Variants in ENTREP2 observed in about 807,000 individuals in gnomAD.
ENTREP2 encodes endosomal transmembrane epsin interactor 2.
chr15:29,661,034 T>C, the ENTREP2 span, among the ~76,000 whole-genome samples: 1 of 150,728 alleles, frequency 6.6e-6, no homozygotes, highest in African/African-American at 2.5e-5. Flanking sequence ...TTTACATGAA[T>C]TAAGAGTGTG....
the ENTREP2 span, among the ~76,000 whole-genome samples, chr15:29,563,905 CTT>C: frequency 6.6e-6 from 1 of 151,658 alleles, no homozygotes; most frequent in South Asian, 2.1e-4. Flanking sequence ...TCTTAGGAAA[CTT>C]TATTTTCTTT....
At chr15:29,145,622 CAAAA>C in the ENTREP2 span, among the ~76,000 whole-genome samples, 4 of 58,254 alleles carry the variant, frequency 6.9e-5, no homozygotes, top group Admixed American at 9.6e-4. Context: ...GACTCCATCT[CAAAA>C]AAAAAAAAAA....
the ENTREP2 span, among the ~76,000 whole-genome samples, chr15:29,293,765 T>C: frequency 6.6e-6 from 1 of 152,200 alleles, no homozygotes. Context: ...GCAACTCTCT[T>C]AATGGAGAGA....
the ENTREP2 span, chr15:29,269,231 C>G: frequency 6.2e-7 from 1 of 1,614,096 alleles, no homozygotes; most frequent in South Asian, 1.1e-5. Context: ...TCCACAGGCT[C>G]CAGGGTGTTG....
the ENTREP2 span, among the ~76,000 whole-genome samples, chr15:29,477,418 A>G: frequency 1.2e-4 from 5 of 40,710 alleles, no homozygotes; most frequent in Admixed American, 6.2e-4. Context: ...CAAAAAGTGC[A>G]AAAAAAAATA....
chr15:29,215,579 T>A, the ENTREP2 span, among the ~76,000 whole-genome samples: 2 of 128,434 alleles, frequency 1.6e-5, no homozygotes, highest in Non-Finnish European at 3.0e-5. Flanking sequence ...ATATATATAA[T>A]ATATATATAT....
At chr15:29,256,012 A>AAAAAGG in the ENTREP2 span, among the ~76,000 whole-genome samples, 48 of 152,080 alleles carry the variant, frequency 3.2e-4, no homozygotes, top group Non-Finnish European at 8.8e-5. Context: ...AAAAAAAAAA[A>AAAAAGG]AAAAAAGGAA....
the ENTREP2 span, among the ~76,000 whole-genome samples, chr15:29,377,120 GA>G: frequency 0.1 from 15,360 of 150,504 alleles, 1,327 homozygotes; most frequent in African/African-American, 0.23. Flanking sequence ...CCTCCAGGAA[GA>G]AAAAAAAACA....
the ENTREP2 span, among the ~76,000 whole-genome samples, chr15:29,558,311 G>A: frequency 3.9e-5 from 6 of 151,990 alleles, no homozygotes; most frequent in African/African-American, 1.2e-4. Flanking sequence ...TGTTTCCCAC[G>A]CCTGGGGTCT....
At chr15:29,311,726 A>T in the ENTREP2 span, among the ~76,000 whole-genome samples, 4 of 152,198 alleles carry the variant, frequency 2.6e-5, no homozygotes, top group African/African-American at 9.7e-5. Context: ...AAGGGAAGAA[A>T]ATCCACTCAA....
the ENTREP2 span, among the ~76,000 whole-genome samples, chr15:29,211,697 G>A: frequency 6.6e-6 from 1 of 152,158 alleles, no homozygotes; most frequent in South Asian, 2.1e-4. Context: ...AGGGATGCTG[G>A]ATTTTGTTGA....
the ENTREP2 span, among the ~76,000 whole-genome samples, chr15:29,491,660 T>C: frequency 6.6e-6 from 1 of 152,180 alleles, no homozygotes; most frequent in South Asian, 2.1e-4. Context: ...TCTCTGTATT[T>C]TCCTTCAACT....
At chr15:29,541,166 T>A in the ENTREP2 span, among the ~76,000 whole-genome samples, 3 of 152,024 alleles carry the variant, frequency 2.0e-5, no homozygotes, top group African/African-American at 7.3e-5. Context: ...GGACATAATG[T>A]GGATGGTTAA....
chr15:29,167,397 A>G, the ENTREP2 span, among the ~76,000 whole-genome samples: 394 of 152,356 alleles, frequency 2.6e-3, no homozygotes, highest in Non-Finnish European at 4.5e-3. Context: ...ACAGAGTGGG[A>G]GAAAATCTTC....
the ENTREP2 span, among the ~76,000 whole-genome samples, chr15:29,312,585 T>C: frequency 1.3e-5 from 2 of 152,206 alleles, no homozygotes; most frequent in Non-Finnish European, 2.9e-5. Flanking sequence ...TATTACTATA[T>C]CTGATATAGT....
chr15:29,176,287 G>A, the ENTREP2 span, among the ~76,000 whole-genome samples: 1 of 152,208 alleles, frequency 6.6e-6, no homozygotes, highest in Middle Eastern at 3.4e-3. Flanking sequence ...GAGTGGTGGG[G>A]GGGCACATTC....
At chr15:29,395,599 C>A in the ENTREP2 span, among the ~76,000 whole-genome samples, 69 of 150,984 alleles carry the variant, frequency 4.6e-4, no homozygotes, top group Admixed American at 7.3e-4. Flanking sequence ...GTGATCACAG[C>A]TCACTGCACT....
the ENTREP2 span, among the ~76,000 whole-genome samples, chr15:29,429,234 T>TCC: frequency 2.7e-5 from 4 of 146,388 alleles, no homozygotes; most frequent in East Asian, 2.1e-4. Context: ...TCCATCCATC[T>TCC]ATCTTGAGAT....
the ENTREP2 span, among the ~76,000 whole-genome samples, chr15:29,320,756 A>T: frequency 0.1 from 15,484 of 152,208 alleles, 941 homozygotes; most frequent in East Asian, 0.2. Context: ...TGATGGGCTC[A>T]TAAGTAGACC....
Sources: allele counts gnomAD v4.1 joint callset (sites outside exome capture counted in the v4.1 genomes callset), GRCh38; gene constraint gnomAD v4.1.1; transcripts MANE v1.5; gene names NCBI Gene and HGNC (gene_info 2026-07-23, HGNC 2026-07-21).